The following EBF1 variants were observed in gnomAD, a reference collection of about 807,000 sequenced individuals.
EBF1 encodes the protein EBF transcription factor 1, also known as transcription factor COE1.
In EBF1, 10 loss-of-function variants were observed where a neutral mutation model predicts 68.4. The observed-to-expected ratio is 0.15, with a 90% CI of 0.09 to 0.25. EBF1 has a LOEUF of 0.25. EBF1 is among the 10% of genes least tolerant of loss of function. EBF1 has a pLI of 1.00. For missense variants in EBF1, 509 were observed against 794.4 expected, an observed-to-expected ratio of 0.64 and a Z score of 4.32; for synonymous variants, 298 against 299.8, an observed-to-expected ratio of 0.99 and a Z score of 0.06.
chr5:158,971,163 A>G (rs1180138562), intron 6 of EBF1, among the ~76,000 whole-genome samples: 1 of 152,254 alleles, frequency 6.6e-6, no homozygotes, highest in Non-Finnish European at 1.5e-5. Flanking sequence ...GGGCACGCCC[A>G]TCTGTAAAGT....
chr5:158,906,305 A>G (rs947696690), intron 6 of EBF1, among the ~76,000 whole-genome samples: 12 of 54,398 alleles, frequency 2.2e-4, no homozygotes, highest in South Asian at 1.8e-3. Flanking sequence ...GGCAATGCAG[A>G]AAAAAAAAAA....
intron 6 of EBF1, among the ~76,000 whole-genome samples, chr5:158,879,855 T>A (rs1798530428): frequency 6.6e-6 from 1 of 152,210 alleles, no homozygotes; most frequent in Non-Finnish European, 1.5e-5. Flanking sequence ...TTGAAATACT[T>A]GAGAGCAGAG....
chr5:158,730,449 A>G (rs1394248333), intron 11 of EBF1, among the ~76,000 whole-genome samples: 1 of 152,200 alleles, frequency 6.6e-6, no homozygotes, highest in Non-Finnish European at 1.5e-5. Context: ...CTGGCAATTA[A>G]TGATGTATTG....
Position 158,777,373 on chromosome 5 carries a change from C to A in EBF1, c.1036+40G>T, listed in dbSNP as rs374558820. 9 of 1,547,588 alleles carry A rather than the reference C, an allele frequency of 5.8e-6. No individual in the cohort carries two copies. In the Admixed American group the frequency reaches 7.3e-5, roughly 13 times the overall value. ...AGATAAGGGGAAAGACCCCACAAGA[C>A]CACGGCAGTTCTGTGCTCACCATGT... On this transcript the variant is annotated intron_variant, in intron 10 of 15. Transcript: ENST00000313708.
At chr5:158,701,115 T>A (rs755000245) in intron 15 of EBF1, among the ~76,000 whole-genome samples, 3 of 152,166 alleles carry the variant, frequency 2.0e-5, no homozygotes, top group Non-Finnish European at 2.9e-5. Context: ...TGGAGGTGGG[T>A]CCAGGCACCT....
chr5:158,953,020 A>G (rs369336486), intron 6 of EBF1, among the ~76,000 whole-genome samples: 6 of 151,974 alleles, frequency 3.9e-5, no homozygotes, highest in African/African-American at 1.5e-4. Context: ...AGTGAGCATT[A>G]CAAAGCTCCC....
intron 6 of EBF1, among the ~76,000 whole-genome samples, chr5:158,972,453 C>T (rs1427809623): frequency 6.6e-6 from 1 of 152,188 alleles, no homozygotes; most frequent in East Asian, 1.9e-4. Context: ...GAATCATGAT[C>T]GGCTTAGCCA....
intron 6 of EBF1, among the ~76,000 whole-genome samples, chr5:158,872,995 A>ATTTTT: frequency 9.3e-6 from 1 of 108,044 alleles, no homozygotes; most frequent in Non-Finnish European, 1.9e-5. Context: ...GAATGACACT[A>ATTTTT]ATTTTTTTTT....
rs147336216 is a variant in EBF1, at chr5:158,969,569, G to A, written c.554+103827C>T. Among the ~76,000 whole-genome samples the A allele has an allele frequency of 3.5e-4, 49 of 141,738 alleles. No homozygotes were observed. In the East Asian group the frequency reaches 9.8e-3, roughly 28 times the overall value. 93.0% of individuals were successfully genotyped at this position (141,738 alleles called of 152,430 possible). A position where few individuals can be genotyped will look rare whatever the true frequency, so the allele number is the denominator to read the frequency against. ...ACTTGAGCCCAGGAGTTTGAGATCAGCCTAGGCAACATGGTGAAACCCCAT... is the reference window on the plus strand; with the variant it reads ...ACTTGAGCCCAGGAGTTTGAGATCAACCTAGGCAACATGGTGAAACCCCAT... On this transcript the variant is annotated intron_variant, in intron 6 of 15. Transcript: ENST00000313708.
intron 6 of EBF1, among the ~76,000 whole-genome samples, chr5:158,938,939 G>C (rs1812667158): frequency 6.6e-6 from 1 of 152,140 alleles, no homozygotes; most frequent in East Asian, 1.9e-4. Flanking sequence ...CCCTCCAAGA[G>C]ACATCTATGA....
At chr5:158,879,418 T>C (rs1412650835) in intron 6 of EBF1, among the ~76,000 whole-genome samples, 1 of 152,200 alleles carries the variant, frequency 6.6e-6, no homozygotes, top group Non-Finnish European at 1.5e-5. Context: ...TGGGTGTTTC[T>C]ACCTGAAAGA....
intron 14 of EBF1, among the ~76,000 whole-genome samples, chr5:158,711,065 C>T (rs1240475239): frequency 1.3e-5 from 2 of 152,158 alleles, no homozygotes; most frequent in Non-Finnish European, 2.9e-5. Context: ...TTCTTTAAGG[C>T]AGAGACAAGG....
chr5:158,962,490 C>T (rs13188498), intron 6 of EBF1, among the ~76,000 whole-genome samples: 57,481 of 151,976 alleles, frequency 0.38, 11,103 homozygotes, highest in South Asian at 0.6. Context: ...ACTCTGCACA[C>T]TCCCTAGGAA....
intron 6 of EBF1, among the ~76,000 whole-genome samples, chr5:158,928,457 AAAT>A (rs1229386191): frequency 1.3e-5 from 2 of 152,232 alleles, no homozygotes; most frequent in East Asian, 3.8e-4. Flanking sequence ...TTATGAAAAA[AAAT>A]AATTTTTTGG....
At chr5:158,911,619 T>C (rs1805989592) in intron 6 of EBF1, among the ~76,000 whole-genome samples, 2 of 147,826 alleles carry the variant, frequency 1.4e-5, no homozygotes, top group South Asian at 2.1e-4. Flanking sequence ...TACGACAGCA[T>C]ACAGTAGGAA....
intron 6 of EBF1, among the ~76,000 whole-genome samples, chr5:159,031,979 A>AT (rs1462584728): frequency 6.6e-6 from 1 of 152,176 alleles, no homozygotes; most frequent in African/African-American, 2.4e-5. Context: ...ATAAAAAAAA[A>AT]TTTTCAAATG....
At chr5:158,983,482 T>C (rs887256641) in intron 6 of EBF1, 1 of 152,172 alleles carries the variant, frequency 6.6e-6, no homozygotes, top group Non-Finnish European at 1.5e-5. Flanking sequence ...TGCACAGTGA[T>C]GGGAAACTAT....
At chr5:158,884,839 T>C (rs1470663788) in intron 6 of EBF1, among the ~76,000 whole-genome samples, 2 of 152,228 alleles carry the variant, frequency 1.3e-5, no homozygotes, top group Non-Finnish European at 2.9e-5. Context: ...AAGTAGGTAG[T>C]ATTATCCATA....
intron 6 of EBF1, among the ~76,000 whole-genome samples, chr5:158,969,942 G>T (rs1755270324): frequency 1.4e-5 from 2 of 143,894 alleles, no homozygotes. Flanking sequence ...GCTGCTGGAA[G>T]TTTTGCAAAC....
Sources: allele counts gnomAD v4.1 joint callset (sites outside exome capture counted in the v4.1 genomes callset), GRCh38; gene constraint gnomAD v4.1.1; transcripts MANE v1.5; gene names NCBI Gene and HGNC (gene_info 2026-07-23, HGNC 2026-07-21).